CTNNA2: variants seen among roughly 807,000 people sequenced by gnomAD.
The protein encoded by CTNNA2 is catenin alpha-2.
CTNNA2 carries 42 observed loss-of-function variants against 101.0 expected under a neutral mutation model. That is an observed-to-expected ratio of 0.42 (90% CI 0.32 to 0.54). CTNNA2 has a LOEUF of 0.54. Among genes scored for constraint, CTNNA2 ranks in the 20% least tolerant of loss-of-function variants. CTNNA2 has a pLI of 0.14. For synonymous variants in CTNNA2, 450 were observed against 456.4 expected (o/e 0.99, Z 0.18); for missense variants, 871 against 1,223.1 (o/e 0.71, Z 4.29).
intron 7 of CTNNA2, among the ~76,000 whole-genome samples, chr2:80,141,535 C>T (rs1367941333): frequency 1.3e-5 from 2 of 152,004 alleles, no homozygotes; most frequent in Non-Finnish European, 2.9e-5. Flanking sequence ...TGCCTCTTGC[C>T]GGCCTCATCT....
intron 7 of CTNNA2, among the ~76,000 whole-genome samples, chr2:80,044,119 A>G (rs1469674935): frequency 6.6e-6 from 1 of 152,220 alleles, no homozygotes; most frequent in Non-Finnish European, 1.5e-5. Context: ...AAATCTGTCC[A>G]GAGGATATTT....
chr2:79,597,577 C>T (rs1056543548), intron 1 of CTNNA2, among the ~76,000 whole-genome samples: 1 of 152,036 alleles, frequency 6.6e-6, no homozygotes, highest in African/African-American at 2.4e-5. Context: ...ACCCAGGGGC[C>T]TTAGATCTCT....
intron 2 of CTNNA2, among the ~76,000 whole-genome samples, chr2:79,252,498 A>G (rs1674785491): frequency 2.0e-5 from 3 of 152,250 alleles, no homozygotes; most frequent in South Asian, 2.1e-4. Context: ...TTAATGTACA[A>G]TGTATAGGTA....
chr2:80,274,099 TAAAAG>T (rs1673708696), intron 7 of CTNNA2, among the ~76,000 whole-genome samples: 1 of 152,174 alleles, frequency 6.6e-6, no homozygotes, highest in South Asian at 2.1e-4. Flanking sequence ...ATAGCAGTCT[TAAAAG>T]AATGGACATA....
chr2:79,468,985 C>T (rs1312927278), intron 4 of CTNNA2, among the ~76,000 whole-genome samples: 1 of 152,072 alleles, frequency 6.6e-6, no homozygotes, highest in East Asian at 1.9e-4. Flanking sequence ...GAAGCAAGAG[C>T]AAACACATTC....
At chr2:79,889,494 T>C (rs1574238655) in intron 6 of CTNNA2, among the ~76,000 whole-genome samples, 1 of 152,232 alleles carries the variant, frequency 6.6e-6, no homozygotes. Flanking sequence ...TTGGCCATGC[T>C]AAACAATGGT....
chr2:79,518,249 A>C (rs1294943594), intron 1 of CTNNA2, among the ~76,000 whole-genome samples: 2 of 152,218 alleles, frequency 1.3e-5, no homozygotes, highest in African/African-American at 4.8e-5. Context: ...TTTTGGGGGA[A>C]GCCAGGTAAT....
At chr2:79,508,754 T>G (rs1276614469), upstream of CTNNA2, among the ~76,000 whole-genome samples, 2 of 151,722 alleles carry the variant, frequency 1.3e-5, no homozygotes, top group African/African-American at 4.8e-5. Flanking sequence ...AAAAATTGCC[T>G]CCATTTTGCA....
At chr2:79,831,256 T>C (rs1287442564) in intron 3 of CTNNA2, among the ~76,000 whole-genome samples, 1 of 152,164 alleles carries the variant, frequency 6.6e-6, no homozygotes, top group Non-Finnish European at 1.5e-5. Context: ...CTAAAAAATA[T>C]TAAAATAAAT....
intron 2 of CTNNA2, among the ~76,000 whole-genome samples, chr2:79,678,542 C>CA (rs569707654): frequency 0.082 from 8,085 of 98,938 alleles, 275 homozygotes; most frequent in Admixed American, 0.14. Context: ...CTCAAACAAA[C>CA]AAAAAAAAAA....
At position 79,541,775 on chromosome 2, in the gene CTNNA2, C is replaced by T. The variant is rs62141452; in HGVS notation, c.-6+28568C>T. ...CTGAGTAGCTGGGACTACAGGTGTG[C>T]GCCACCACGCCCAACTAATTTTTGT... On this transcript the variant is annotated intron_variant, in intron 1 of 18. Coordinates refer to ENST00000402739, the MANE Select transcript of CTNNA2 (RefSeq NM_001282597.3). Among the ~76,000 whole-genome samples, 395 of 151,842 alleles carry T rather than the reference C, an allele frequency of 2.6e-3. 2 individuals carry two copies. Among genetic ancestry groups the T allele is most frequent in the Non-Finnish European group, 3.2e-3 (217 of 67,948 alleles).
At chr2:80,103,239 A>G (rs1027235617) in intron 7 of CTNNA2, among the ~76,000 whole-genome samples, 4 of 152,182 alleles carry the variant, frequency 2.6e-5, no homozygotes, top group African/African-American at 9.7e-5. Context: ...TTGGGGTGTC[A>G]GAAAATCTGG....
chr2:79,922,318 A>G (rs1686717768), intron 7 of CTNNA2, among the ~76,000 whole-genome samples: 1 of 152,072 alleles, frequency 6.6e-6, no homozygotes, highest in Non-Finnish European at 1.5e-5. Flanking sequence ...AAAAAAAGAC[A>G]TTGGCCTTTT....
intron 7 of CTNNA2, among the ~76,000 whole-genome samples, chr2:80,087,071 T>C (rs751534881): frequency 4.6e-5 from 7 of 152,048 alleles, no homozygotes; most frequent in Admixed American, 1.3e-4. Context: ...CCACTTATTT[T>C]GCTATGTCAA....
chr2:80,341,471 A>G (rs1672241721), intron 7 of CTNNA2, among the ~76,000 whole-genome samples: 1 of 152,254 alleles, frequency 6.6e-6, no homozygotes, highest in South Asian at 2.1e-4. Context: ...ATATTTATCC[A>G]GAAAGACATG....
intron 3 of CTNNA2, among the ~76,000 whole-genome samples, chr2:79,780,740 T>C (rs976405089): frequency 6.6e-6 from 1 of 152,226 alleles, no homozygotes; most frequent in African/African-American, 2.4e-5. Context: ...TTATGTTCAA[T>C]TTCTGCACTT....
At chr2:79,980,425 T>C (rs555760) in intron 7 of CTNNA2, among the ~76,000 whole-genome samples, 151,825 of 152,208 alleles carry the variant, frequency 1, 75,722 homozygotes, top group Middle Eastern at 1. Context: ...CCTCATTGGT[T>C]TTAATATTTT....
chr2:79,657,555 G>A (rs1681702293), intron 2 of CTNNA2, among the ~76,000 whole-genome samples: 1 of 151,702 alleles, frequency 6.6e-6, no homozygotes, highest in African/African-American at 2.4e-5. Flanking sequence ...GAAAAATATA[G>A]AGAACATTAA....
chr2:79,503,485 T>A (rs1671348096), intron 4 of CTNNA2, among the ~76,000 whole-genome samples: 1 of 152,170 alleles, frequency 6.6e-6, no homozygotes, highest in African/African-American at 2.4e-5. Context: ...AGCAATGGTG[T>A]CACACAATTC....
Sources: allele counts gnomAD v4.1 joint callset (sites outside exome capture counted in the v4.1 genomes callset), GRCh38; gene constraint gnomAD v4.1.1; transcripts MANE v1.5; gene names NCBI Gene and HGNC (gene_info 2026-07-23, HGNC 2026-07-21).